The following TMOD1 variants were observed in gnomAD, a reference collection of about 807,000 sequenced individuals.
TMOD1 encodes tropomodulin-1.
In TMOD1, 17 loss-of-function variants were observed where a neutral mutation model predicts 40.6. The observed-to-expected ratio is 0.42, with a 90% CI of 0.29 to 0.63. TMOD1 has a LOEUF of 0.63. TMOD1 is among the 20% of genes least tolerant of loss of function. The pLI is 0.22. For missense variants in TMOD1, 391 were observed against 447.6 expected, an observed-to-expected ratio of 0.87 and a Z score of 1.14; for synonymous variants, 181 against 175.0, an observed-to-expected ratio of 1.03 and a Z score of -0.27.
At chr9:97,504,791 C>T (rs894326734) in intron 1 of TMOD1, among the ~76,000 whole-genome samples, 9 of 152,164 alleles carry the variant, frequency 5.9e-5, no homozygotes, top group African/African-American at 1.7e-4. Flanking sequence ...TGAGCCCGGT[C>T]GTAATGGCCT....
In TMOD1 at chr9:97,546,891, T is replaced by C. The variant is rs971598865; in HGVS notation, c.277+550T>C. Among the ~76,000 whole-genome samples the C allele has an allele frequency of 3.1e-5, 4 of 130,126 alleles. No homozygotes were observed. In the East Asian group the frequency reaches 8.7e-4, roughly 28 times the overall value. 85.4% of individuals were successfully genotyped at this position (130,126 alleles called of 152,430 possible). On this transcript the variant is annotated intron_variant, in intron 3 of 9. Transcript: ENST00000259365. ...TTGCAGTGAGCCAAGATCGCACCAC[T>C]GCACTCCAGCCTGGGCAACAGAGTA...
intron 2 of TMOD1, among the ~76,000 whole-genome samples, chr9:97,529,978 A>G (rs569147679): frequency 2.2e-4 from 34 of 152,336 alleles, no homozygotes; most frequent in African/African-American, 8.2e-4. Context: ...GCTTAGAGAT[A>G]TAAAGTAACC....
rs1387216959 is a variant in TMOD1, at chr9:97,513,752, A to AC, written c.-48-10389_-48-10388insC. The AC allele has an allele frequency of 6.6e-6, 1 of 152,294 alleles. No individual in the cohort carries two copies. The highest frequency in any genetic ancestry group is 1.5e-5 in the Non-Finnish European group (1 of 68,076). 9.4% of individuals were successfully genotyped at this position (152,294 alleles called of 1,614,324 possible). A position where few individuals can be genotyped will look rare whatever the true frequency, so the allele number is the denominator to read the frequency against. ...GAAGTACAGCAGTTTGCTCAAGGTC[A>AC]TATGGCAGGTCCTCAACTAAAGTCA... On this transcript the variant is annotated intron_variant, in intron 1 of 9. Transcript: ENST00000259365. This position sits in a 1 kb window ranked among gnomAD's most constrained non-coding sequence, Gnocchi z 4.1.
rs553595949 is a variant in TMOD1 at position 97,544,070 on chromosome 9, C to T, written c.121-2115C>T. 2.0e-5 allele frequency among the ~76,000 whole-genome samples: 3 copies of T among 152,264 alleles called. No individual in the cohort carries two copies. The South Asian group carries it at 6.2e-4, about 32-fold the overall frequency. The stretch of plus-strand genomic sequence containing the variant: ...TGGCCTAAATCTCTCTGCAAGTACA[C>T]CAGCACCACCTGCCAAGCCCATTAT... On this transcript the variant is annotated intron_variant, in intron 2 of 9. Transcript: ENST00000259365.
At chr9:97,519,963 C>T (rs59687119) in intron 1 of TMOD1, among the ~76,000 whole-genome samples, 80 of 152,194 alleles carry the variant, frequency 5.3e-4, no homozygotes, top group African/African-American at 1.8e-3. Flanking sequence ...GGGGCGAGTA[C>T]GGTTAGCCTC....
chr9:97,586,012 G>A (rs2131286953), intron 8 of TMOD1, among the ~76,000 whole-genome samples: 1 of 151,922 alleles, frequency 6.6e-6, no homozygotes, highest in Non-Finnish European at 1.5e-5. Context: ...GCTCGTGAAA[G>A]TCATTCTCCA....
At chr9:97,514,639 C>T (rs1587913475) in intron 1 of TMOD1, among the ~76,000 whole-genome samples, 2 of 152,158 alleles carry the variant, frequency 1.3e-5, no homozygotes, top group South Asian at 4.1e-4. Context: ...GTGAGGCCGC[C>T]TGGTGTATTC....
At chr9:97,519,593 G>A (rs1342623468) in intron 1 of TMOD1, among the ~76,000 whole-genome samples, 1 of 152,110 alleles carries the variant, frequency 6.6e-6, no homozygotes, top group Non-Finnish European at 1.5e-5. Flanking sequence ...TCCAGATCTG[G>A]TCCAATCTTG....
At position 97,553,348 on chromosome 9, in the gene TMOD1, G is replaced by C. The variant is rs753757824; in HGVS notation, c.345G>C (p.Glu115Asp). The change falls in exon 4 of 10, where the codon GAG (glutamate) becomes GAC (aspartate). Residue 115 changes from glutamate (E) to aspartate (D), a missense_variant. Transcript: ENST00000259365. Reference protein sequence around the residue: ...PVLESVTLEPELEEALANASD... With the variant: ...PVLESVTLEPDLEEALANASD... Reference sequence around the variant, plus strand: ...TGGAAAGTGTGACGCTGGAACCGGAGCTGGAGGAAGCCTTGGCAAATGCTT... The same window carrying C: ...TGGAAAGTGTGACGCTGGAACCGGACCTGGAGGAAGCCTTGGCAAATGCTT... 1.2e-6 allele frequency: 2 copies of C among 1,614,240 alleles called. No individual in the cohort carries two copies. Among genetic ancestry groups the C allele is most frequent in the African/African-American group, 1.3e-5 (1 of 75,064 alleles).
chr9:97,532,499 TTTGACATG>T (rs1157990930), intron 2 of TMOD1, among the ~76,000 whole-genome samples: 4 of 152,226 alleles, frequency 2.6e-5, no homozygotes, highest in African/African-American at 7.2e-5. Flanking sequence ...CCTATTTGAT[TTTGACATG>T]TTGAATAGGA....
intron 8 of TMOD1, among the ~76,000 whole-genome samples, chr9:97,576,124 T>C (rs770520303): frequency 6.6e-6 from 1 of 152,278 alleles, no homozygotes; most frequent in Non-Finnish European, 1.5e-5. Context: ...ATACTGACTC[T>C]GAAAGAGCTC....
intron 1 of TMOD1, among the ~76,000 whole-genome samples, chr9:97,514,664 CA>C (rs2131212759): frequency 6.6e-6 from 1 of 152,348 alleles, no homozygotes; most frequent in East Asian, 1.9e-4. Context: ...GGAAACTCTG[CA>C]GGGCAAGCCT....
intron 9 of TMOD1, among the ~76,000 whole-genome samples, chr9:97,599,342 C>G (rs1343702695): frequency 1.3e-5 from 2 of 152,128 alleles, no homozygotes. Flanking sequence ...AGATCTTCAA[C>G]TGGAGCTTCT....
chr9:97,573,940 GGGA>G (rs1830864375), intron 8 of TMOD1, among the ~76,000 whole-genome samples: 1 of 152,150 alleles, frequency 6.6e-6, no homozygotes, highest in South Asian at 2.1e-4. Flanking sequence ...TTTTGGAGGG[GGGA>G]GGATCAAAGA....
intron 8 of TMOD1, among the ~76,000 whole-genome samples, chr9:97,572,902 C>T (rs980623640): frequency 1.3e-5 from 2 of 152,180 alleles, no homozygotes; most frequent in Non-Finnish European, 2.9e-5. Context: ...TCTGTTGCCA[C>T]CTGTGGTTGC....
At chr9:97,517,934 G>A (rs1829842479) in intron 1 of TMOD1, 1 of 152,550 alleles carries the variant, frequency 6.6e-6, no homozygotes. Context: ...GGGGGGCCTG[G>A]GCATTGTTGG....
At chr9:97,530,769 G>A (rs58309253) in intron 2 of TMOD1, among the ~76,000 whole-genome samples, 3,058 of 146,992 alleles carry the variant, frequency 0.021, 123 homozygotes, top group African/African-American at 0.072. Flanking sequence ...GATTACAGGC[G>A]TGAGCCACCG....
At chr9:97,539,824 A>G (rs1207138912) in intron 2 of TMOD1, among the ~76,000 whole-genome samples, 2 of 151,754 alleles carry the variant, frequency 1.3e-5, no homozygotes, top group Non-Finnish European at 2.9e-5. Context: ...AAATTAGCCG[A>G]GCATGGTGGC....
At chr9:97,532,475 A>G (rs763287934) in intron 2 of TMOD1, among the ~76,000 whole-genome samples, 1 of 152,218 alleles carries the variant, frequency 6.6e-6, no homozygotes, top group Non-Finnish European at 1.5e-5. Context: ...CACCCTGGCA[A>G]CACTGAGCTG....
Sources: allele counts gnomAD v4.1 joint callset (sites outside exome capture counted in the v4.1 genomes callset), GRCh38; gene constraint gnomAD v4.1.1; non-coding constraint Gnocchi (gnomAD v3.1); transcripts MANE v1.5; gene names NCBI Gene and HGNC (gene_info 2026-07-23, HGNC 2026-07-21).